The following SLC20A2 variants were observed in gnomAD, a reference collection of about 807,000 sequenced individuals.
SLC20A2 encodes the protein solute carrier family 20 member 2, also known as sodium-dependent phosphate transporter 2.
SLC20A2 carries 30 observed loss-of-function variants against 61.0 expected under a neutral mutation model. The observed-to-expected ratio is 0.49, with a 90% confidence interval of 0.37 to 0.67. The LOEUF (loss-of-function observed/expected upper bound fraction) is 0.67. Ranked by LOEUF, SLC20A2 falls within the 30% of genes least tolerant of loss-of-function variation. The pLI, the probability that SLC20A2 is intolerant of heterozygous loss-of-function variation, is 0.00. For synonymous variants in SLC20A2, 351 were observed against 353.3 expected, an observed-to-expected ratio of 0.99 and a Z score of 0.07; for missense variants, 626 against 866.4, an observed-to-expected ratio of 0.72 and a Z score of 3.48.
rs568493317 is a variant in SLC20A2 at position 42,459,135 on chromosome 8, C to T, written c.613+761G>A. ...CCTGTAATCCCAGCTACTAAGGAGGCTGAGGCAGGAGAATCGCTTGAACCT... is the reference window on the plus strand; with the variant it reads ...CCTGTAATCCCAGCTACTAAGGAGGTTGAGGCAGGAGAATCGCTTGAACCT... On this transcript the variant is annotated intron_variant, in intron 5 of 10. Coordinates refer to ENST00000520262, the MANE Select transcript of SLC20A2 (RefSeq NM_001257180.2). Among the ~76,000 whole-genome samples, 11 of 145,294 alleles carry T rather than the reference C, an allele frequency of 7.6e-5. No individual in the cohort carries two copies. The South Asian group carries it at 2.4e-3, about 32-fold the overall frequency.
At chr8:42,460,300 C>A in intron 4 of SLC20A2, 1 of 237,376 alleles carries the variant, frequency 4.2e-6, no homozygotes, top group Non-Finnish European at 8.5e-6. Flanking sequence ...TTGGGTCAAG[C>A]CGGTTCCGGA....
intron 1 of SLC20A2, among the ~76,000 whole-genome samples, chr8:42,474,219 T>C (rs1198946873): frequency 6.6e-6 from 1 of 152,088 alleles, no homozygotes; most frequent in East Asian, 1.9e-4. Context: ...CAGGGGTATA[T>C]ACTAAAATTA....
At chr8:42,507,580 C>T (rs1188357970) in intron 1 of SLC20A2, among the ~76,000 whole-genome samples, 1 of 152,210 alleles carries the variant, frequency 6.6e-6, no homozygotes, top group African/African-American at 2.4e-5. Flanking sequence ...TTTCATACTG[C>T]TCTACATTCA....
rs117617582 is a variant in SLC20A2, at chr8:42,537,135, C to T, written c.-265+4686G>A. On this transcript the variant is annotated intron_variant, in intron 1 of 10. Coordinates refer to the SLC20A2 transcript ENST00000342228. ...CAATGGCTCACTGACGTACCCAGCACTTTGGGAGGCTGAGGCAGGAGGAGG... is the reference window on the plus strand; with the variant it reads ...CAATGGCTCACTGACGTACCCAGCATTTTGGGAGGCTGAGGCAGGAGGAGG... 7.2e-3 allele frequency among the ~76,000 whole-genome samples: 1,089 copies of T among 150,990 alleles called. 6 individuals are homozygous for T. Among genetic ancestry groups the T allele is most frequent in the Non-Finnish European group, 0.01 (699 of 67,772 alleles).
At position 42,437,342 on chromosome 8, in the gene SLC20A2, G is replaced by A. The variant is rs2131006678; in HGVS notation, c.1170C>T (p.Thr390=). Residue 390 remains threonine, a synonymous_variant, in exon 8 of 11, where the codon ACC becomes ACT. Coordinates refer to ENST00000520262, the MANE Select transcript of SLC20A2 (RefSeq NM_001257180.2). The surrounding 1 kb of genome is among the most constrained non-coding windows in gnomAD (Gnocchi z 6.4). The part of the protein sequence containing the change: ...LRRNNSYTCY[T]AAICGLPVHA... Reference sequence around the variant, plus strand: ...GCACTGGCAGCCCACAAATGGCTGCGGTGTAGCAGGTGTAACTGTTGTTTC... The same window carrying A: ...GCACTGGCAGCCCACAAATGGCTGCAGTGTAGCAGGTGTAACTGTTGTTTC... The A allele has an allele frequency of 1.2e-6, 2 of 1,614,176 alleles. No homozygotes were observed. Among genetic ancestry groups the A allele is most frequent in the South Asian group, 2.2e-5 (2 of 91,088 alleles).
intron 4 of SLC20A2, among the ~76,000 whole-genome samples, chr8:42,461,164 C>T (rs549175371): frequency 6.6e-6 from 1 of 152,234 alleles, no homozygotes; most frequent in South Asian, 2.1e-4. Context: ...GAGTGTCACA[C>T]CAGACCAGGC....
At chr8:42,429,863 T>C (rs1402653493) in intron 9 of SLC20A2, among the ~76,000 whole-genome samples, 1 of 152,150 alleles carries the variant, frequency 6.6e-6, no homozygotes, top group African/African-American at 2.4e-5. Flanking sequence ...TCAGGGACGC[T>C]GTGGCTGGGG....
At chr8:42,524,345 G>T (rs1045820377) in intron 1 of SLC20A2, among the ~76,000 whole-genome samples, 1 of 152,066 alleles carries the variant, frequency 6.6e-6, no homozygotes, top group Non-Finnish European at 1.5e-5. Context: ...ACATGGTGGT[G>T]GGGGGAGTGG....
intron 1 of SLC20A2, among the ~76,000 whole-genome samples, chr8:42,473,350 G>C (rs1468177710): frequency 7.2e-6 from 1 of 138,472 alleles, no homozygotes; most frequent in Non-Finnish European, 1.5e-5. Flanking sequence ...AGGCCTCCTC[G>C]CAGCTCACTG....
At chr8:42,423,251 C>T (rs1803162678) in intron 10 of SLC20A2, among the ~76,000 whole-genome samples, 1 of 151,830 alleles carries the variant, frequency 6.6e-6, no homozygotes, top group African/African-American at 2.4e-5. Flanking sequence ...CATTGGGATA[C>T]ATTCTTATTT....
intron 3 of SLC20A2, among the ~76,000 whole-genome samples, chr8:42,463,563 T>C (rs1239260152): frequency 6.6e-6 from 1 of 152,216 alleles, no homozygotes; most frequent in Non-Finnish European, 1.5e-5. Context: ...TTTTAGCCTC[T>C]AGCCAAGTAG....
intron 10 of SLC20A2, among the ~76,000 whole-genome samples, chr8:42,419,962 C>T (rs530718394): frequency 4.1e-4 from 62 of 152,238 alleles, no homozygotes; most frequent in Middle Eastern, 3.4e-3. Context: ...CCAAGGCGGG[C>T]GGATACAAGG....
intron 1 of SLC20A2, among the ~76,000 whole-genome samples, chr8:42,498,308 T>C (rs1810076185): frequency 6.6e-6 from 1 of 152,186 alleles, no homozygotes; most frequent in African/African-American, 2.4e-5. Context: ...ACTTCCCAGC[T>C]ATGGAGGAGA....
intron 10 of SLC20A2, among the ~76,000 whole-genome samples, chr8:42,419,080 G>C (rs1399967284): frequency 6.7e-6 from 1 of 149,808 alleles, no homozygotes; most frequent in African/African-American, 2.4e-5. Flanking sequence ...AATGTATCTT[G>C]AAATAATTCA....
At chr8:42,529,218 C>T (rs1018664488) in intron 1 of SLC20A2, among the ~76,000 whole-genome samples, 2 of 152,084 alleles carry the variant, frequency 1.3e-5, no homozygotes, top group African/African-American at 4.8e-5. Context: ...ATCCTCCTGC[C>T]TTGGCCTCTC....
At chr8:42,524,397 G>A (rs565966953) in intron 1 of SLC20A2, among the ~76,000 whole-genome samples, 57 of 152,108 alleles carry the variant, frequency 3.7e-4, no homozygotes, top group African/African-American at 1.4e-3. Flanking sequence ...TATAAAGCTG[G>A]GTGGTGGGGA....
chr8:42,478,384 G>A (rs1808317286), intron 1 of SLC20A2, among the ~76,000 whole-genome samples: 1 of 151,700 alleles, frequency 6.6e-6, no homozygotes, highest in Admixed American at 6.6e-5. Context: ...GCTAATTTTT[G>A]TATTTTTAGT....
intron 1 of SLC20A2, chr8:42,484,781 C>T (rs1808837583): frequency 3.0e-6 from 1 of 328,154 alleles, no homozygotes; most frequent in Non-Finnish European, 6.0e-6. Context: ...CTAAAGGCTG[C>T]TCCCATATCA....
intron 1 of SLC20A2, among the ~76,000 whole-genome samples, chr8:42,514,365 T>C (rs1010746974): frequency 1.3e-5 from 2 of 152,178 alleles, no homozygotes; most frequent in Admixed American, 6.5e-5. Flanking sequence ...AGGGGAGAAC[T>C]GTCAGTTTAT....
Sources: gnomAD v4.1 joint callset for allele counts (sites outside exome capture counted in the v4.1 genomes callset) on GRCh38, gnomAD v4.1.1 for gene constraint, Gnocchi (gnomAD v3.1) non-coding constraint, MANE v1.5 for transcripts, NCBI Gene and HGNC (gene_info 2026-07-23, HGNC 2026-07-21) for gene names.